NFATC3: variants seen among roughly 807,000 people sequenced by gnomAD.
NFATC3 encodes the protein nuclear factor of activated T cells 3.
In NFATC3, 46 loss-of-function variants were observed where a neutral mutation model predicts 98.6. That is an observed-to-expected ratio of 0.47 (90% CI 0.37 to 0.60). NFATC3 has a LOEUF of 0.60. Ranked by LOEUF, NFATC3 falls within the 20% of genes least tolerant of loss-of-function variation. The probability of loss-of-function intolerance (pLI) is 0.00; values close to 1 mark genes in which losing one functional copy is unlikely to be tolerated. For missense variants in NFATC3, 1,256 were observed against 1,295.5 expected (o/e 0.97, Z 0.47); for synonymous variants, 512 against 472.2 (o/e 1.08, Z -1.09).
chr16:68,105,150 G>C (rs989132625), intron 1 of NFATC3, among the ~76,000 whole-genome samples: 1 of 149,456 alleles, frequency 6.7e-6, no homozygotes, highest in African/African-American at 2.5e-5. Flanking sequence ...GAGTACACTG[G>C]TATGATCTTG....
At chr16:68,207,522 G>C (rs1030112051) in intron 9 of NFATC3, among the ~76,000 whole-genome samples, 11 of 152,286 alleles carry the variant, frequency 7.2e-5, no homozygotes, top group African/African-American at 2.4e-4. Flanking sequence ...GGAGTGCAGT[G>C]GTGCGATCTG....
intron 1 of NFATC3, among the ~76,000 whole-genome samples, chr16:68,108,914 C>T (rs938015485): frequency 1.3e-5 from 2 of 152,152 alleles, no homozygotes; most frequent in Non-Finnish European, 2.9e-5. Flanking sequence ...GTGACTTTTG[C>T]ACATTGATTT....
intron 1 of NFATC3, among the ~76,000 whole-genome samples, chr16:68,088,435 A>G (rs866092599): frequency 2.7e-5 from 4 of 145,708 alleles, no homozygotes; most frequent in Middle Eastern, 7.2e-3. Flanking sequence ...ATACTCATAT[A>G]CTATATAATA....
At position 68,106,334 on chromosome 16, in the gene NFATC3, C is replaced by G. The variant is rs139472624; in HGVS notation, c.104-15653C>G. On this transcript the variant is annotated intron_variant, in intron 1 of 9. Transcript: ENST00000346183. ...CGAGATGGAGTTTCACTCTAGTTGC[C>G]CAGGTTAGAGTGCAATGGTGTGATC... is the stretch of plus-strand genomic sequence containing the variant. Among the ~76,000 whole-genome samples, 1,417 of 150,688 alleles carry G rather than the reference C, an allele frequency of 9.4e-3. 9 individuals are homozygous for G. Among genetic ancestry groups the G allele is most frequent in the Non-Finnish European group, 0.014 (946 of 67,732 alleles).
At chr16:68,095,597 G>A (rs939721057) in intron 1 of NFATC3, among the ~76,000 whole-genome samples, 2 of 152,030 alleles carry the variant, frequency 1.3e-5, no homozygotes, top group Non-Finnish European at 2.9e-5. Context: ...CAGGTGATCC[G>A]CCTGCCTCGG....
chr16:68,099,319 C>T (rs1053583220), intron 1 of NFATC3, among the ~76,000 whole-genome samples: 1 of 152,052 alleles, frequency 6.6e-6, no homozygotes, highest in Non-Finnish European at 1.5e-5. Context: ...CCTGTAGTCC[C>T]AGCTACTCGG....
chr16:68,190,107 A>G (rs1265524624), intron 8 of NFATC3, among the ~76,000 whole-genome samples: 2 of 152,254 alleles, frequency 1.3e-5, no homozygotes, highest in African/African-American at 4.8e-5. Context: ...TTATAGAAAT[A>G]TAACTTACTA....
At chr16:68,195,668 C>T (rs990273069) in intron 9 of NFATC3, among the ~76,000 whole-genome samples, 4 of 147,944 alleles carry the variant, frequency 2.7e-5, no homozygotes, top group East Asian at 2.0e-4. Flanking sequence ...ACTAGCCGGG[C>T]GTGGTGGTGG....
intron 6 of NFATC3, among the ~76,000 whole-genome samples, chr16:68,181,242 C>T (rs2039938863): frequency 1.3e-5 from 2 of 152,196 alleles, no homozygotes; most frequent in Admixed American, 1.3e-4. Flanking sequence ...TTAAACATCA[C>T]TTGGGTAGAT....
chr16:68,196,266 T>TAC (rs2040665087), intron 9 of NFATC3, among the ~76,000 whole-genome samples: 1 of 151,932 alleles, frequency 6.6e-6, no homozygotes, highest in South Asian at 2.1e-4. Flanking sequence ...ACTACAGGCG[T>TAC]GTACCACCAC....
At chr16:68,188,106 A>T (rs2040284158) in intron 8 of NFATC3, among the ~76,000 whole-genome samples, 1 of 152,080 alleles carries the variant, frequency 6.6e-6, no homozygotes. Context: ...AAGCATATAC[A>T]CACCCGGCTG....
At chr16:68,119,245 A>G (rs1430174264) in intron 1 of NFATC3, among the ~76,000 whole-genome samples, 1 of 152,138 alleles carries the variant, frequency 6.6e-6, no homozygotes, top group African/African-American at 2.4e-5. Flanking sequence ...CCAGTCAACA[A>G]GTTCCGTCAG....
chr16:68,109,732 A>G (rs1211213071), intron 1 of NFATC3, among the ~76,000 whole-genome samples: 1 of 152,126 alleles, frequency 6.6e-6, no homozygotes, highest in Non-Finnish European at 1.5e-5. Flanking sequence ...TAGGCTATGT[A>G]TTACTGCCTC....
At chr16:68,085,859 C>T (rs1598327509) in intron 1 of NFATC3, 75 bp downstream of exon 1, 1 of 1,145,920 alleles carries the variant, frequency 8.7e-7, no homozygotes, top group Non-Finnish European at 1.2e-6. Context: ...CCTCCCTGTT[C>T]CCTTGGATGA....
intron 3 of NFATC3, among the ~76,000 whole-genome samples, chr16:68,136,465 T>C (rs968780700): frequency 6.6e-6 from 1 of 152,110 alleles, no homozygotes; most frequent in Non-Finnish European, 1.5e-5. Context: ...GATAAGGTTT[T>C]GCCATGTTGG....
intron 9 of NFATC3, among the ~76,000 whole-genome samples, chr16:68,216,578 C>G (rs1263641067): frequency 6.6e-6 from 1 of 151,584 alleles, no homozygotes; most frequent in Non-Finnish European, 1.5e-5. Context: ...GTTGCCTAGG[C>G]TGGAGTGCAT....
intron 5 of NFATC3, among the ~76,000 whole-genome samples, chr16:68,173,264 T>G (rs994746681): frequency 6.9e-6 from 1 of 144,422 alleles, no homozygotes; most frequent in Admixed American, 7.1e-5. Context: ...AGTCTCTGTC[T>G]TTAAAAAAAA....
intron 3 of NFATC3, among the ~76,000 whole-genome samples, chr16:68,142,727 C>T (rs2037821778): frequency 6.6e-6 from 1 of 151,702 alleles, no homozygotes; most frequent in Non-Finnish European, 1.5e-5. Flanking sequence ...CATTGCACTT[C>T]AGCCTGGGTG....
intron 3 of NFATC3, among the ~76,000 whole-genome samples, chr16:68,129,046 G>A (rs7197126): frequency 6.6e-6 from 1 of 151,532 alleles, no homozygotes; most frequent in Non-Finnish European, 1.5e-5. Flanking sequence ...TGTGAGCTAC[G>A]ATTGTGCCAC....
Sources: allele counts gnomAD v4.1 joint callset (sites outside exome capture counted in the v4.1 genomes callset), GRCh38; gene constraint gnomAD v4.1.1; transcripts MANE v1.5; gene names NCBI Gene and HGNC (gene_info 2026-07-23, HGNC 2026-07-21).